The following DCDC1 variants were observed in gnomAD, a reference collection of about 807,000 sequenced individuals.
The protein encoded by DCDC1 is doublecortin domain-containing protein 1.
In DCDC1, 200 loss-of-function variants were observed where a neutral mutation model predicts 178.3. The ratio of observed to expected loss-of-function variants is 1.12; its 90% CI spans 1.00 to 1.26. The LOEUF is 1.26. Among genes scored for constraint, DCDC1 ranks in the 50% most tolerant of loss-of-function variants. DCDC1 has a pLI of 0.00. For missense variants in DCDC1, 1,983 were observed against 1,749.2 expected (o/e 1.13, Z -2.38); for synonymous variants, 690 against 604.8 (o/e 1.14, Z -2.07).
At chr11:30,873,111 C>G (rs2133931947) in intron 38 of DCDC1, among the ~76,000 whole-genome samples, 1 of 150,860 alleles carries the variant, frequency 6.6e-6, no homozygotes, top group Non-Finnish European at 1.5e-5. Flanking sequence ...GTCTCTCTCT[C>G]TCTCTCTCTA....
chr11:30,988,395 A>G (rs1454983192), intron 20 of DCDC1, among the ~76,000 whole-genome samples: 2 of 151,970 alleles, frequency 1.3e-5, no homozygotes, highest in Non-Finnish European at 2.9e-5. Context: ...AAAAGAGGGA[A>G]AATTCCCAGC....
intron 2 of DCDC1, among the ~76,000 whole-genome samples, chr11:31,329,510 T>G (rs952057915): frequency 6.6e-6 from 1 of 152,116 alleles, no homozygotes; most frequent in Admixed American, 6.6e-5. Context: ...AACTTGTCAT[T>G]TACATTGGGT....
intron 20 of DCDC1, among the ~76,000 whole-genome samples, chr11:31,055,347 A>G (rs1018891727): frequency 5.3e-5 from 8 of 152,210 alleles, no homozygotes; most frequent in African/African-American, 1.9e-4. Context: ...GTTTGCATGG[A>G]TGCGGTGAAC....
chr11:31,014,457 C>A (rs1176421704), intron 20 of DCDC1, among the ~76,000 whole-genome samples: 1 of 152,128 alleles, frequency 6.6e-6, no homozygotes, highest in African/African-American at 2.4e-5. Context: ...GAAACTTTGA[C>A]AGCTTGACTA....
chr11:31,312,670 T>A (rs1948840111), intron 3 of DCDC1: 1 of 152,208 alleles, frequency 6.6e-6, no homozygotes, highest in South Asian at 2.1e-4. Flanking sequence ...TTCTGGTCAC[T>A]CTTGTTTCTC....
intron 3 of DCDC1, among the ~76,000 whole-genome samples, chr11:31,322,278 T>C (rs1289514047): frequency 1.3e-5 from 2 of 152,140 alleles, no homozygotes; most frequent in African/African-American, 4.8e-5. Context: ...ACAAACACAA[T>C]TTAAGAAATA....
At chr11:31,345,154 A>T (rs1390228749) in intron 1 of DCDC1, among the ~76,000 whole-genome samples, 1 of 152,142 alleles carries the variant, frequency 6.6e-6, no homozygotes, top group Non-Finnish European at 1.5e-5. Context: ...GCCATTTTTT[A>T]AAAAAAACCT....
At chr11:31,150,388 A>G (rs1965030290) in intron 9 of DCDC1, among the ~76,000 whole-genome samples, 1 of 152,240 alleles carries the variant, frequency 6.6e-6, no homozygotes, top group Admixed American at 6.5e-5. Context: ...AAATAATATC[A>G]TTACATTAAA....
rs150529284 is a variant in DCDC1, at chr11:31,353,844, A to T, written c.-125+15853T>A. Among the ~76,000 whole-genome samples, 11 of 152,342 alleles carry T rather than the reference A, an allele frequency of 7.2e-5. No homozygotes were observed. In the East Asian group the frequency reaches 2.1e-3, roughly 29 times the overall value. On this transcript the variant is annotated intron_variant, in intron 1 of 38. Transcript: ENST00000684477. The stretch of plus-strand genomic sequence containing the variant: ...TGGATAATAACAAGAAAATTCTTCA[A>T]TTTACAGAGCCTAGTGTAAATAGAA...
chr11:31,280,953 C>T, intron 7 of DCDC1: 1 of 633,410 alleles, frequency 1.6e-6, no homozygotes, highest in Admixed American at 1.8e-5. Context: ...CACTTTTGAA[C>T]AAAAACTCTT....
intron 25 of DCDC1, among the ~76,000 whole-genome samples, chr11:30,918,935 GC>G (rs1294888443): frequency 6.6e-6 from 1 of 152,044 alleles, no homozygotes; most frequent in Non-Finnish European, 1.5e-5. Context: ...TGATAAAAAA[GC>G]AATCAAAAAG....
At chr11:31,312,317 C>T (rs1220906951) in intron 3 of DCDC1, among the ~76,000 whole-genome samples, 1 of 152,126 alleles carries the variant, frequency 6.6e-6, no homozygotes, top group East Asian at 1.9e-4. Flanking sequence ...CTCACAACAG[C>T]CCTGTATTAT....
At chr11:31,023,344 A>G (rs1953012974) in intron 20 of DCDC1, among the ~76,000 whole-genome samples, 1 of 152,196 alleles carries the variant, frequency 6.6e-6, no homozygotes, top group Non-Finnish European at 1.5e-5. Flanking sequence ...AGGCATTTAA[A>G]CCAACAGAAC....
chr11:31,327,991 A>C (rs1222873870), intron 3 of DCDC1, 126 bp downstream of exon 3: 2 of 950,976 alleles, frequency 2.1e-6, no homozygotes, highest in African/African-American at 3.4e-5. Flanking sequence ...CGGCCTCCCA[A>C]AGTGCTGGGA....
rs775644593 is a variant in DCDC1, at chr11:30,916,867, T to C, written c.3452+3A>G. On this transcript the variant is annotated splice_donor_region_variant and intron_variant, in intron 26 of 38. Transcript: ENST00000684477. Reference sequence around the variant, plus strand: ...TTAAGAGGAATCCTTTGCAACTTTTTACCTGTGTTTCTTCTGTGGTTCCAC... The same window carrying C: ...TTAAGAGGAATCCTTTGCAACTTTTCACCTGTGTTTCTTCTGTGGTTCCAC... 5.1e-5 allele frequency: 81 copies of C among 1,596,284 alleles called. No individual in the cohort carries two copies. The highest frequency in any genetic ancestry group is 6.6e-5 in the Non-Finnish European group (77 of 1,172,592).
intron 7 of DCDC1, among the ~76,000 whole-genome samples, chr11:31,284,538 A>G (rs1565548642): frequency 6.6e-6 from 1 of 152,176 alleles, no homozygotes; most frequent in Admixed American, 6.5e-5. Flanking sequence ...GTTCTTAACA[A>G]TTAAAATATG....
In DCDC1 at chr11:30,911,316, A is replaced by G; in HGVS notation, c.3747+11T>C. On this transcript the variant is annotated intron_variant, in intron 28 of 38. Coordinates refer to ENST00000684477, the MANE Select transcript of DCDC1 (RefSeq NM_001387274.1). ...AAGGCCATGACTAATCTTTAGCCAT[A>G]CATATCTTACCTGAACAATAACTGG... 2 of 1,589,964 alleles carry G rather than the reference A, an allele frequency of 1.3e-6. No homozygotes were observed. Among genetic ancestry groups the G allele is most frequent in the Non-Finnish European group, 1.7e-6 (2 of 1,166,358 alleles).
Position 30,899,543 on chromosome 11 carries a change from T to G in DCDC1, c.4763A>C (p.Lys1588Thr), listed in dbSNP as rs1312483531. The change falls in exon 34 of 39, where the codon AAA becomes ACA. Residue 1588 changes from lysine to threonine, a missense_variant and splice_region_variant. Physicochemically the swap from Lys to Thr is moderately conservative, Grantham distance 78. Coordinates refer to ENST00000684477, the MANE Select transcript of DCDC1 (RefSeq NM_001387274.1). Reference sequence around the variant, plus strand: ...TGCTTGATATAGTTCATACTGACCTTTTAACTGTCTCATTTTGTGTCTCAT... The same window carrying G: ...TGCTTGATATAGTTCATACTGACCTGTTAACTGTCTCATTTTGTGTCTCAT... ...DTMRHKMRQL[K>T]GRRVAACQPA... The G allele has an allele frequency of 6.4e-7, 1 of 1,558,828 alleles. No homozygotes were observed. Among genetic ancestry groups the G allele is most frequent in the Admixed American group, 1.9e-5 (1 of 51,576 alleles).
At chr11:31,162,581 T>G (rs568656205) in intron 9 of DCDC1, among the ~76,000 whole-genome samples, 1 of 152,288 alleles carries the variant, frequency 6.6e-6, no homozygotes, top group South Asian at 2.1e-4. Flanking sequence ...CATATTTATT[T>G]AAAATATCTT....
Sources: allele counts gnomAD v4.1 joint callset (sites outside exome capture counted in the v4.1 genomes callset), GRCh38; gene constraint gnomAD v4.1.1; transcripts MANE v1.5; gene names NCBI Gene and HGNC (gene_info 2026-07-23, HGNC 2026-07-21).